The following CNTN5 variants were observed in gnomAD, a reference collection of about 807,000 sequenced individuals.
The protein encoded by CNTN5 is contactin 5, also known as contactin-5.
A neutral mutation model predicts 129.1 loss-of-function variants in CNTN5; 77 were observed. The observed-to-expected ratio is 0.60, with a 90% CI of 0.50 to 0.72. The LOEUF is 0.72. CNTN5 is among the 30% of genes least tolerant of loss of function. The pLI, the probability that CNTN5 is intolerant of heterozygous loss-of-function variation, is 0.00. For synonymous variants in CNTN5, 509 were observed against 465.6 expected, an observed-to-expected ratio of 1.09 and a Z score of -1.20; for missense variants, 1,478 against 1,328.8, an observed-to-expected ratio of 1.11 and a Z score of -1.75.
At chr11:99,384,533 C>T (rs1940802230) in intron 2 of CNTN5, among the ~76,000 whole-genome samples, 1 of 152,098 alleles carries the variant, frequency 6.6e-6, no homozygotes, top group Admixed American at 6.5e-5. Context: ...AAATTTTGAG[C>T]AATGATAAAA....
In CNTN5 at chr11:100,282,792, A is replaced by C. The variant is rs150392337; in HGVS notation, c.2314+11551A>C. Among the ~76,000 whole-genome samples the C allele has an allele frequency of 2.4e-4, 37 of 152,302 alleles. 1 individual carries two copies. In the East Asian group the frequency reaches 7.2e-3, roughly 29 times the overall value. On this transcript the variant is annotated intron_variant, in intron 18 of 24. Coordinates refer to ENST00000524871, the MANE Select transcript of CNTN5 (RefSeq NM_014361.4). Reference sequence around the variant, plus strand: ...TGTACTGCAGCTGAGTTGACACTCAAACCACAAGGCACAGTCCTTCCCATT... The same window carrying C: ...TGTACTGCAGCTGAGTTGACACTCACACCACAAGGCACAGTCCTTCCCATT...
intron 18 of CNTN5, 62 bp from the exon 19 acceptor site, chr11:100,297,563 A>G: frequency 8.1e-7 from 1 of 1,233,550 alleles, no homozygotes; most frequent in East Asian, 2.5e-5. Context: ...TTATCTCAGG[A>G]TTTTATCCAA....
At chr11:99,609,094 A>G (rs961326919) in intron 3 of CNTN5, among the ~76,000 whole-genome samples, 3 of 152,172 alleles carry the variant, frequency 2.0e-5, no homozygotes, top group African/African-American at 7.2e-5. Context: ...GTTATGACAG[A>G]TGATCCATAT....
At chr11:99,428,935 T>C (rs1383728462) in intron 2 of CNTN5, among the ~76,000 whole-genome samples, 1 of 152,078 alleles carries the variant, frequency 6.6e-6, no homozygotes, top group Non-Finnish European at 1.5e-5. Context: ...AAATCAGTAA[T>C]ACAAAATGCC....
intron 1 of CNTN5, among the ~76,000 whole-genome samples, chr11:99,096,509 G>A (rs1866472599): frequency 6.6e-6 from 1 of 151,692 alleles, no homozygotes; most frequent in Non-Finnish European, 1.5e-5. Flanking sequence ...GTCTATGATT[G>A]CATAGATTTC....
rs1476222918 is a variant in CNTN5 at position 100,220,527 on chromosome 11, A to ATT, written c.1885-4163_1885-4162dup. ...ATTTATATCTAAAATAAAGCTAGGT[A>ATT]TTTCCATAGCTTACTCTAGCTATGG... On this transcript the variant is annotated intron_variant, in intron 15 of 24. Transcript: ENST00000524871. 2.0e-5 allele frequency among the ~76,000 whole-genome samples: 3 copies of ATT among 152,246 alleles called. No homozygotes were observed. In the East Asian group the frequency reaches 5.8e-4, roughly 29 times the overall value.
Position 99,753,122 on chromosome 11 carries a change from T to G in CNTN5, c.56-66422T>G, listed in dbSNP as rs904653339. Among the ~76,000 whole-genome samples the G allele has an allele frequency of 6.5e-4, 91 of 139,490 alleles. 2 individuals are homozygous for G. Among genetic ancestry groups the G allele is most frequent in the Non-Finnish European group, 4.2e-4 (27 of 64,582 alleles). The allele number at this position is 139,490 out of a possible 152,430, so 91.5% of individuals were successfully genotyped here. A position where few individuals can be genotyped will look rare whatever the true frequency, so the allele number is the denominator to read the frequency against. ...ATAACATTTTAAGCCATATTTGCTT[T>G]TTTTTTTTTTTTTTTTTTGAGATGG... On this transcript the variant is annotated intron_variant, in intron 3 of 24. Transcript: ENST00000524871.
At chr11:99,579,939 C>A (rs773271305) in intron 3 of CNTN5, among the ~76,000 whole-genome samples, 1 of 150,486 alleles carries the variant, frequency 6.6e-6, no homozygotes, top group African/African-American at 2.5e-5. Flanking sequence ...CCAGTTTTTG[C>A]CCATTCAGTA....
intron 3 of CNTN5, among the ~76,000 whole-genome samples, chr11:99,788,393 G>A (rs1023568540): frequency 6.6e-6 from 1 of 151,844 alleles, no homozygotes; most frequent in African/African-American, 2.4e-5. Context: ...AGGTGAACAC[G>A]CTCAAAGACA....
rs377567623 is a variant in CNTN5 at position 100,148,167 on chromosome 11, T to C, written c.1581-42959T>C. On this transcript the variant is annotated intron_variant, in intron 13 of 24. Transcript: ENST00000524871. ...AAACTGTAACTCATTCCTTTGTTTT[T>C]AATAAAACTCTGAGCACTCTATCTC... is the stretch of plus-strand genomic sequence containing the variant. Among the ~76,000 whole-genome samples, 39 of 152,282 alleles carry C rather than the reference T, an allele frequency of 2.6e-4. 1 individual carries two copies. Among genetic ancestry groups the C allele is most frequent in the African/African-American group, 9.4e-4 (39 of 41,576 alleles).
chr11:99,636,259 C>T (rs192835511), intron 3 of CNTN5, among the ~76,000 whole-genome samples: 7 of 152,038 alleles, frequency 4.6e-5, no homozygotes, highest in Admixed American at 4.6e-4. Flanking sequence ...GATTGGGTGG[C>T]CTAGCCAAAT....
chr11:100,022,168 G>C (rs2137569224), intron 9 of CNTN5, among the ~76,000 whole-genome samples: 1 of 152,256 alleles, frequency 6.6e-6, no homozygotes, highest in Non-Finnish European at 1.5e-5. Flanking sequence ...ATTTAATCAA[G>C]TTGACACTTA....
chr11:100,127,998 A>G (rs1946250344), intron 13 of CNTN5, among the ~76,000 whole-genome samples: 1 of 151,724 alleles, frequency 6.6e-6, no homozygotes, highest in South Asian at 2.1e-4. Context: ...AATAATGGCT[A>G]CTCTGAGTCC....
intron 3 of CNTN5, among the ~76,000 whole-genome samples, chr11:99,740,619 A>G (rs2135155440): frequency 6.6e-6 from 1 of 152,286 alleles, no homozygotes; most frequent in East Asian, 1.9e-4. Flanking sequence ...CTGACTTGGT[A>G]AGTAGACACA....
chr11:99,966,682 A>G (rs1951103016), intron 8 of CNTN5, among the ~76,000 whole-genome samples: 1 of 152,236 alleles, frequency 6.6e-6, no homozygotes, highest in Admixed American at 6.5e-5. Flanking sequence ...TTGAACTAGC[A>G]CACAAGAAGT....
At chr11:100,117,178 TTG>T (rs1306064863) in intron 13 of CNTN5, among the ~76,000 whole-genome samples, 2 of 151,976 alleles carry the variant, frequency 1.3e-5, no homozygotes, top group Non-Finnish European at 2.9e-5. Flanking sequence ...GGCAAAAACA[TTG>T]TGTGTCTATT....
intron 3 of CNTN5, among the ~76,000 whole-genome samples, chr11:99,783,034 G>A (rs1408314329): frequency 1.3e-5 from 2 of 149,072 alleles, no homozygotes; most frequent in Non-Finnish European, 3.0e-5. Context: ...GAGTGAACAG[G>A]CAACCTACAA....
intron 2 of CNTN5, among the ~76,000 whole-genome samples, chr11:99,328,165 G>A (rs1011892563): frequency 2.6e-5 from 4 of 152,124 alleles, no homozygotes; most frequent in East Asian, 1.9e-4. Context: ...TTCTCATATC[G>A]TTTGCGACAT....
intron 7 of CNTN5, among the ~76,000 whole-genome samples, chr11:99,926,523 T>G (rs2136056379): frequency 6.6e-6 from 1 of 152,278 alleles, no homozygotes. Flanking sequence ...AATGAGATTT[T>G]ACATTATACA....
Sources: gnomAD v4.1 joint callset for allele counts (sites outside exome capture counted in the v4.1 genomes callset) on GRCh38, gnomAD v4.1.1 for gene constraint, MANE v1.5 for transcripts, NCBI Gene and HGNC (gene_info 2026-07-23, HGNC 2026-07-21) for gene names.